Variants in CLEC4F observed in about 807,000 individuals in gnomAD.
The protein encoded by CLEC4F is C-type lectin domain family 4 member F.
A neutral mutation model predicts 53.4 loss-of-function variants in CLEC4F; 45 were observed. The observed-to-expected ratio is 0.84, with a 90% CI of 0.66 to 1.08. The LOEUF (loss-of-function observed/expected upper bound fraction) is 1.08, where lower values mean the gene tolerates loss of function less well. Ranked by LOEUF, CLEC4F falls within the 50% of genes least tolerant of loss-of-function variation. The pLI is 0.00. For synonymous variants in CLEC4F, 245 were observed against 257.5 expected (o/e 0.95, Z 0.46); for missense variants, 753 against 698.2 (o/e 1.08, Z -0.88).
At chr2:70,809,941 T>G in intron 5 of CLEC4F, 84 bp from the exon 6 acceptor site, 2 of 810,470 alleles carry the variant, frequency 2.5e-6, no homozygotes, top group Non-Finnish European at 4.4e-6. Context: ...CTTATAGATA[T>G]ACACATAATT....
intron 5 of CLEC4F, 25 bp from the exon 6 acceptor site, chr2:70,809,882 T>C: frequency 1.9e-6 from 3 of 1,561,796 alleles, no homozygotes; most frequent in Non-Finnish European, 2.6e-6. Flanking sequence ...CAGTGTCAGT[T>C]TGCCCCTGTG....
chr2:70,817,534 A>G (rs1473732875), intron 3 of CLEC4F, among the ~76,000 whole-genome samples: 2 of 152,238 alleles, frequency 1.3e-5, no homozygotes, highest in Non-Finnish European at 2.9e-5. Context: ...GAAAATAGGT[A>G]TGAATAAAGC....
chr2:70,825,003 C>T (rs1039598330), upstream of CLEC4F, among the ~76,000 whole-genome samples: 6 of 152,144 alleles, frequency 3.9e-5, no homozygotes, highest in Non-Finnish European at 7.3e-5. Context: ...AGTCAATAAA[C>T]TTGGCAAACA....
chr2:70,819,871 C>G lies in CLEC4F; in HGVS notation c.82G>C (p.Ala28Pro). 6.3e-7 allele frequency: 1 copy of G among 1,599,424 alleles called. No homozygotes were observed. Among genetic ancestry groups the G allele is most frequent in the Non-Finnish European group, 8.5e-7 (1 of 1,173,656 alleles). Residue 28 changes from alanine to proline, a missense_variant, in exon 2 of 7, where the codon GCT (alanine) becomes CCT (proline). Transcript: ENST00000272367. ...CTCGGTATCTTGGGGGCTGCAGGAG[C>G]CATTGCCACAGAGTCCACCTCTGCA... ...HPQEVDSVAMAPAAPKIPRLV... is the reference protein window; with the variant it reads ...HPQEVDSVAMPPAAPKIPRLV...
Position 70,814,156 on chromosome 2 carries a change from A to G in CLEC4F, c.1388-1558T>C, listed in dbSNP as rs117554108. 4.8e-3 allele frequency among the ~76,000 whole-genome samples: 726 copies of G among 152,318 alleles called. 8 individuals are homozygous for G. Among genetic ancestry groups the G allele is most frequent in the East Asian group, 0.039 (203 of 5,186 alleles). Reference sequence around the variant, plus strand: ...GACATAAAGGATGGGTGAGTGATGAATTTGGACAGGTTCACCAGCACTAAA... The same window carrying G: ...GACATAAAGGATGGGTGAGTGATGAGTTTGGACAGGTTCACCAGCACTAAA... On this transcript the variant is annotated intron_variant, in intron 4 of 6. Coordinates refer to ENST00000272367, the MANE Select transcript of CLEC4F (RefSeq NM_173535.3).
In CLEC4F at chr2:70,809,763, G is replaced by A. The variant is rs1676445500; in HGVS notation, c.1634C>T (p.Pro545Leu). The change falls in exon 6 of 7, where the codon CCA becomes CTA. Residue 545 changes from proline to leucine, a missense_variant. By Grantham distance (98) the Pro-to-Leu change is moderately conservative. Coordinates refer to ENST00000272367, the MANE Select transcript of CLEC4F (RefSeq NM_173535.3). ...EGSWRWTDGT[P>L]FNAAQNKAPG... ...CGCTTTGTTCTGGGCGGCGTTGAAT[G>A]GTGTCCCATCTGTCCAGCGCCAGGA... is the stretch of plus-strand genomic sequence containing the variant. 4 of 1,613,906 alleles carry A rather than the reference G, an allele frequency of 2.5e-6. No individual in the cohort carries two copies. Among genetic ancestry groups the A allele is most frequent in the Non-Finnish European group, 3.4e-6 (4 of 1,179,908 alleles).
chr2:70,809,671 C>T, intron 6 of CLEC4F, 68 bp downstream of exon 6: 1 of 1,186,946 alleles, frequency 8.4e-7, no homozygotes, highest in Non-Finnish European at 1.3e-6. Flanking sequence ...TGGGAAGGGA[C>T]ACACAGTGTG....
intron 5 of CLEC4F, among the ~76,000 whole-genome samples, 168 bp downstream of exon 5, chr2:70,812,278 CT>C (rs1409116589): frequency 3.3e-5 from 5 of 152,184 alleles, no homozygotes; most frequent in Non-Finnish European, 7.3e-5. Flanking sequence ...GTCAGGGATT[CT>C]ACCTCCAGTG....
chr2:70,814,354 T>C (rs975610311), intron 4 of CLEC4F, among the ~76,000 whole-genome samples: 3 of 152,174 alleles, frequency 2.0e-5, no homozygotes, highest in Admixed American at 2.0e-4. Context: ...ACACCAATGA[T>C]AACACAATGG....
Position 70,819,793 on chromosome 2 carries a change from C to A in CLEC4F, c.160G>T (p.Val54Leu). 1 of 1,600,926 alleles carries A rather than the reference C, an allele frequency of 6.2e-7. No homozygotes were observed. Among genetic ancestry groups the A allele is most frequent in the Non-Finnish European group, 8.5e-7 (1 of 1,174,398 alleles). ...GGCTTACCCACTACAAAGAGAGTCA[C>A]AAGAGAGAAGACCAAGGTCACAGCC... ...FMAVTLVFSL[V>L]TLFVVVQQQT... Residue 54 changes from valine to leucine, a missense_variant, in exon 2 of 7, where the codon GTG becomes TTG. Coordinates refer to ENST00000272367, the MANE Select transcript of CLEC4F (RefSeq NM_173535.3).
At chr2:70,813,236 C>T (rs565865781) in intron 4 of CLEC4F, among the ~76,000 whole-genome samples, 6 of 152,326 alleles carry the variant, frequency 3.9e-5, no homozygotes, top group Admixed American at 2.0e-4. Flanking sequence ...CATTGTGCAA[C>T]GTTCCTTAAC....
rs1553397546 is a variant in CLEC4F at position 70,819,900 on chromosome 2, G to A, written c.62-9C>T. The A allele has an allele frequency of 1.3e-6, 2 of 1,560,120 alleles. No homozygotes were observed. The highest frequency in any genetic ancestry group is 2.4e-5 in the South Asian group (2 of 81,990). On this transcript the variant is annotated splice_polypyrimidine_tract_variant and intron_variant, in intron 1 of 6. Transcript: ENST00000272367. ...TGCCACAGAGTCCACCTCTGCAGGGGAGAAGGCAGTGTCCAAGGTGAGAGG... is the reference window on the plus strand; with the variant it reads ...TGCCACAGAGTCCACCTCTGCAGGGAAGAAGGCAGTGTCCAAGGTGAGAGG...
intron 4 of CLEC4F, among the ~76,000 whole-genome samples, chr2:70,815,513 G>A (rs567978821): frequency 7.4e-4 from 113 of 152,248 alleles, no homozygotes; most frequent in African/African-American, 2.6e-3. Context: ...GCACACCACT[G>A]GGCCTCAATA....
At chr2:70,824,306 C>T (rs1346184757), upstream of CLEC4F, among the ~76,000 whole-genome samples, 56 of 113,278 alleles carry the variant, frequency 4.9e-4, no homozygotes, top group Non-Finnish European at 6.0e-4. Context: ...TTATTCCGTT[C>T]GTCTCCTAAC....
chr2:70,809,203 A>T lies in CLEC4F; in HGVS notation c.*68T>A. On this transcript the variant is annotated 3_prime_UTR_variant, in exon 7 of 7. Transcript: ENST00000272367. ...ACTTGAGATGGGTCCTTCATCCCCTAGTGGCCCTAGGATGAGGACAGGGCT... is the reference window on the plus strand; with the variant it reads ...ACTTGAGATGGGTCCTTCATCCCCTTGTGGCCCTAGGATGAGGACAGGGCT... 1.3e-6 allele frequency: 2 copies of T among 1,581,364 alleles called. No individual in the cohort carries two copies. Among genetic ancestry groups the T allele is most frequent in the Non-Finnish European group, 1.7e-6 (2 of 1,163,174 alleles).
At chr2:70,822,706 A>G (rs1214829024), upstream of CLEC4F, among the ~76,000 whole-genome samples, 1 of 152,094 alleles carries the variant, frequency 6.6e-6, no homozygotes, top group African/African-American at 2.4e-5. Context: ...AATAAATCAC[A>G]TTTTCTTTCA....
intron 4 of CLEC4F, among the ~76,000 whole-genome samples, chr2:70,815,470 G>T (rs1574374683): frequency 6.6e-6 from 1 of 152,168 alleles, no homozygotes; most frequent in Non-Finnish European, 1.5e-5. Flanking sequence ...CTTCTCAAGG[G>T]TACCTATCAC....
Position 70,819,399 on chromosome 2 carries a change from A to G in CLEC4F, c.224T>C (p.Ile75Thr). 1 of 1,614,126 alleles carries G rather than the reference A, an allele frequency of 6.2e-7. No individual in the cohort carries two copies. The change falls in exon 3 of 7, where the codon ATT becomes ACT. Residue 75 changes from isoleucine to threonine, a missense_variant. By Grantham distance (89) the Ile-to-Thr change is moderately conservative (BLOSUM62 -1). Transcript: ENST00000272367. ...RPVPKPVQAV[I>T]LGDNITGHLP... is the part of the protein sequence containing the mutation. ...ATGCCCAGTAATGTTGTCTCCCAGA[A>G]TTACGGCTTGCACAGGCTTCGGAAC...
intron 3 of CLEC4F, among the ~76,000 whole-genome samples, chr2:70,817,802 T>C (rs1356122415): frequency 6.6e-6 from 1 of 152,206 alleles, no homozygotes; most frequent in Non-Finnish European, 1.5e-5. Context: ...GATGGCCTTT[T>C]AAAGAGCCAG....
Sources: gnomAD v4.1 joint callset for allele counts (sites outside exome capture counted in the v4.1 genomes callset) on GRCh38, gnomAD v4.1.1 for gene constraint, MANE v1.5 for transcripts, NCBI Gene and HGNC (gene_info 2026-07-23, HGNC 2026-07-21) for gene names.